The following SHISA6 variants were observed in gnomAD, a reference collection of about 807,000 sequenced individuals.
SHISA6 encodes the protein protein shisa-6.
A neutral mutation model predicts 47.9 loss-of-function variants in SHISA6; 22 were observed. The observed-to-expected ratio is 0.46, with a 90% CI of 0.33 to 0.66. SHISA6 has a LOEUF of 0.66. SHISA6 is among the 30% of genes least tolerant of loss of function. The probability of loss-of-function intolerance (pLI) is 0.02; values close to 1 mark genes in which losing one functional copy is unlikely to be tolerated. For missense variants in SHISA6, 680 were observed against 764.6 expected (o/e 0.89, Z 1.30); for synonymous variants, 388 against 337.8 (o/e 1.15, Z -1.63).
At chr17:11,470,386 G>A (rs550935139) in intron 3 of SHISA6, among the ~76,000 whole-genome samples, 1 of 152,298 alleles carries the variant, frequency 6.6e-6, no homozygotes, top group East Asian at 1.9e-4. Context: ...AGCATCTCTA[G>A]GGAGAATTCC....
intron 3 of SHISA6, among the ~76,000 whole-genome samples, chr17:11,445,332 C>A (rs1292905545): frequency 6.6e-6 from 1 of 152,080 alleles, no homozygotes; most frequent in African/African-American, 2.4e-5. Context: ...GAACTGGGGG[C>A]AAGAGAGCAC....
Position 11,242,005 on chromosome 17 carries a change from G to T in SHISA6, c.583G>T (p.Ala195Ser). ...IAFVIVAGVFAKVSYDKAHRP... is the reference protein window; with the variant it reads ...IAFVIVAGVFSKVSYDKAHRP... ...CTTCGTCATCGTGGCCGGCGTCTTC[G>T]CCAAGGTCTCCTACGACAAGGCCCA... Residue 195 changes from alanine to serine, a missense_variant, in exon 1 of 6, where the codon GCC (alanine) becomes TCC (serine). Coordinates refer to ENST00000441885, the MANE Select transcript of SHISA6 (RefSeq NM_207386.4). The T allele has an allele frequency of 6.4e-7, 1 of 1,551,006 alleles. No homozygotes were observed. Among genetic ancestry groups the T allele is most frequent in the Non-Finnish European group, 8.7e-7 (1 of 1,147,010 alleles).
rs71367322 is a variant in SHISA6 at position 11,341,328 on chromosome 17, C to CTTTT, written c.800-38065_800-38062dup. ...GGAATCCCATTCTTTCTCTCTCTCT[C>CTTTT]TTTTTTTTTTTTTTTTTTTTTTTTG... On this transcript the variant is annotated intron_variant, in intron 2 of 5. Transcript: ENST00000441885. 4.9e-3 allele frequency among the ~76,000 whole-genome samples: 432 copies of CTTTT among 88,806 alleles called. 4 individuals are homozygous for CTTTT. Among genetic ancestry groups the CTTTT allele is most frequent in the Middle Eastern group, 9.3e-3 (1 of 108 alleles). The allele number at this position is 88,806 out of a possible 152,430, so 58.3% of individuals were successfully genotyped here. A position where few individuals can be genotyped will look rare whatever the true frequency, so the allele number is the denominator to read the frequency against.
intron 2 of SHISA6, among the ~76,000 whole-genome samples, chr17:11,328,496 C>A (rs1002572795): frequency 1.3e-5 from 2 of 152,182 alleles, no homozygotes; most frequent in Non-Finnish European, 2.9e-5. Context: ...TGGTGCTTAT[C>A]TTCCAGGGCT....
rs142290412 is a variant in SHISA6, at chr17:11,459,331, A to G, written c.895+79822A>G. 2.9e-3 allele frequency among the ~76,000 whole-genome samples: 445 copies of G among 152,070 alleles called. 1 individual carries two copies. The highest frequency in any genetic ancestry group is 0.01 in the African/African-American group (429 of 41,474). ...CTGAATTAATCTTGTATTGCTCTGGACTGCCTCCTGAATACTAATAATATG... is the reference window on the plus strand; with the variant it reads ...CTGAATTAATCTTGTATTGCTCTGGGCTGCCTCCTGAATACTAATAATATG... On this transcript the variant is annotated intron_variant, in intron 3 of 5. Coordinates refer to ENST00000441885, the MANE Select transcript of SHISA6 (RefSeq NM_207386.4).
intron 4 of SHISA6, among the ~76,000 whole-genome samples, chr17:11,553,418 G>A (rs536556311): frequency 6.6e-6 from 1 of 152,282 alleles, no homozygotes; most frequent in South Asian, 2.1e-4. Flanking sequence ...GCCAACACAA[G>A]CAGACTCCTG....
chr17:11,274,452 G>T (rs534467548), intron 2 of SHISA6, among the ~76,000 whole-genome samples: 1 of 152,352 alleles, frequency 6.6e-6, no homozygotes, highest in East Asian at 1.9e-4. Context: ...CTGGGCAAGG[G>T]CGGCCCTGAG....
chr17:11,540,670 G>T (rs1338559341), intron 3 of SHISA6, among the ~76,000 whole-genome samples: 1 of 152,130 alleles, frequency 6.6e-6, no homozygotes, highest in East Asian at 1.9e-4. Flanking sequence ...TGAAAAAATT[G>T]CTCTATGGTC....
rs188844549 is a variant in SHISA6, at chr17:11,242,166, C to T, written c.638+106C>T. 1,396 of 1,413,892 alleles carry T rather than the reference C, an allele frequency of 9.9e-4. 11 individuals carry two copies. The highest frequency in any genetic ancestry group is 6.0e-4 in the Non-Finnish European group (634 of 1,048,920). 87.6% of individuals were successfully genotyped at this position (1,413,892 alleles called of 1,614,324 possible). A position where few individuals can be genotyped will look rare whatever the true frequency, so the allele number is the denominator to read the frequency against. On this transcript the variant is annotated intron_variant, in intron 1 of 5. Transcript: ENST00000441885. ...CGGCATCATCACACCTCCCCAGGCCCTCTAGTCATTTCCACCATCGCTCCT... is the reference window on the plus strand; with the variant it reads ...CGGCATCATCACACCTCCCCAGGCCTTCTAGTCATTTCCACCATCGCTCCT...
At chr17:11,302,936 T>C (rs952148090) in intron 2 of SHISA6, among the ~76,000 whole-genome samples, 25 of 152,156 alleles carry the variant, frequency 1.6e-4, no homozygotes, top group Non-Finnish European at 1.0e-4. Context: ...CTGCTGGAGT[T>C]TCATTGAAGG....
intron 3 of SHISA6, among the ~76,000 whole-genome samples, chr17:11,425,253 A>G (rs558039763): frequency 3.3e-5 from 5 of 151,894 alleles, no homozygotes; most frequent in Admixed American, 2.6e-4. Flanking sequence ...ACAAACCAGA[A>G]AGGTTTGTTT....
chr17:11,267,050 T>C (rs73293750), intron 2 of SHISA6, among the ~76,000 whole-genome samples: 3,657 of 152,316 alleles, frequency 0.024, 170 homozygotes, highest in African/African-American at 0.084. Context: ...ATGGATCCTG[T>C]AATATTTCTT....
At chr17:11,306,043 C>A (rs552205096) in intron 2 of SHISA6, among the ~76,000 whole-genome samples, 2 of 152,182 alleles carry the variant, frequency 1.3e-5, no homozygotes, top group African/African-American at 4.8e-5. Flanking sequence ...CCCCACCAAA[C>A]CTCATCAGCT....
At chr17:11,496,748 G>GA (rs111418769) in intron 3 of SHISA6, among the ~76,000 whole-genome samples, 18,851 of 127,696 alleles carry the variant, frequency 0.15, 1,317 homozygotes, top group Middle Eastern at 0.2. Flanking sequence ...CAAAAAAAAA[G>GA]AAAAAAAAAA....
chr17:11,303,625 C>A (rs993717867), intron 2 of SHISA6, among the ~76,000 whole-genome samples: 3 of 152,116 alleles, frequency 2.0e-5, no homozygotes, highest in Non-Finnish European at 2.9e-5. Context: ...AGGCCACATG[C>A]AGAAGGCTGA....
At chr17:11,450,181 C>T (rs941628872) in intron 3 of SHISA6, among the ~76,000 whole-genome samples, 6 of 152,132 alleles carry the variant, frequency 3.9e-5, no homozygotes, top group African/African-American at 1.4e-4. Flanking sequence ...CCACCATGCC[C>T]AGCCGGATCT....
At chr17:11,306,478 C>T (rs1307893163) in intron 2 of SHISA6, among the ~76,000 whole-genome samples, 1 of 152,174 alleles carries the variant, frequency 6.6e-6, no homozygotes, top group Non-Finnish European at 1.5e-5. Context: ...TGGTTCCGCT[C>T]TCTGGGAAGC....
chr17:11,245,535 C>A (rs917545917), intron 1 of SHISA6, among the ~76,000 whole-genome samples: 2 of 152,194 alleles, frequency 1.3e-5, no homozygotes, highest in African/African-American at 4.8e-5. Flanking sequence ...ACATCCAAAC[C>A]TGTTCCTTCC....
intron 2 of SHISA6, among the ~76,000 whole-genome samples, chr17:11,287,982 T>C (rs2142166252): frequency 6.6e-6 from 1 of 152,176 alleles, no homozygotes; most frequent in Non-Finnish European, 1.5e-5. Flanking sequence ...ACTTCAAAAA[T>C]TGTCCACTCA....
Sources: gnomAD v4.1 joint callset for allele counts (sites outside exome capture counted in the v4.1 genomes callset) on GRCh38, gnomAD v4.1.1 for gene constraint, MANE v1.5 for transcripts, NCBI Gene and HGNC (gene_info 2026-07-23, HGNC 2026-07-21) for gene names.